Variants in IQGAP1 observed in about 807,000 individuals in gnomAD.
IQGAP1 encodes the protein IQ motif containing GTPase activating protein 1.
Under a neutral mutation model 215.6 loss-of-function variants are expected in IQGAP1, and 66 were observed. The observed-to-expected ratio is 0.31, with a 90% CI of 0.25 to 0.38. IQGAP1 has a LOEUF of 0.38. IQGAP1 is among the 10% of genes least tolerant of loss of function. The probability of loss-of-function intolerance (pLI) is 1.00; values close to 1 mark genes in which losing one functional copy is unlikely to be tolerated. For missense variants in IQGAP1, 1,712 were observed against 1,997.1 expected, an observed-to-expected ratio of 0.86 and a Z score of 2.72; for synonymous variants, 772 against 728.7, an observed-to-expected ratio of 1.06 and a Z score of -0.96.
At chr15:90,425,794 C>T (rs1398553297) in intron 2 of IQGAP1, among the ~76,000 whole-genome samples, 1 of 152,110 alleles carries the variant, frequency 6.6e-6, no homozygotes, top group African/African-American at 2.4e-5. Context: ...TAAAGAGCAA[C>T]TTAAGGACTG....
chr15:90,464,275 G>A (rs1965800566), intron 15 of IQGAP1, among the ~76,000 whole-genome samples: 1 of 152,128 alleles, frequency 6.6e-6, no homozygotes, highest in Non-Finnish European at 1.5e-5. Context: ...CTTTTCTAGA[G>A]AAGATTGCCC....
At chr15:90,404,742 C>G (rs1166362723) in intron 2 of IQGAP1, among the ~76,000 whole-genome samples, 2 of 129,778 alleles carry the variant, frequency 1.5e-5, no homozygotes, top group Non-Finnish European at 3.2e-5. Context: ...CCACACTCAG[C>G]TAATTTTTGT....
intron 37 of IQGAP1, among the ~76,000 whole-genome samples, chr15:90,498,852 C>G (rs1010350279): frequency 4.0e-5 from 6 of 151,684 alleles, no homozygotes; most frequent in Non-Finnish European, 8.8e-5. Context: ...TCTTATTGCC[C>G]AAGCTGCAGT....
chr15:90,435,347 T>A (rs73478805), intron 5 of IQGAP1, among the ~76,000 whole-genome samples: 3,024 of 152,178 alleles, frequency 0.02, 83 homozygotes, highest in African/African-American at 0.069. Context: ...ATGGTGGCAT[T>A]CACCTGTAGT....
intron 2 of IQGAP1, among the ~76,000 whole-genome samples, chr15:90,408,622 G>A (rs1390801621): frequency 6.6e-6 from 1 of 152,088 alleles, no homozygotes; most frequent in African/African-American, 2.4e-5. Flanking sequence ...GCAGGGATGG[G>A]TGGGGCTGAT....
At chr15:90,396,724 A>C (rs747986332) in intron 2 of IQGAP1, among the ~76,000 whole-genome samples, 21 of 152,176 alleles carry the variant, frequency 1.4e-4, no homozygotes, top group Non-Finnish European at 3.1e-4. Context: ...TTAAAAGTGT[A>C]TTTATTAAAA....
At chr15:90,417,965 T>C (rs1468044478) in intron 2 of IQGAP1, among the ~76,000 whole-genome samples, 2 of 152,236 alleles carry the variant, frequency 1.3e-5, no homozygotes, top group African/African-American at 4.8e-5. Flanking sequence ...ATTTTTATGC[T>C]GTTCCTTTAT....
At chr15:90,494,583 T>C (rs1966248106) in intron 35 of IQGAP1, 130 bp from the exon 36 acceptor site, 1 of 638,442 alleles carries the variant, frequency 1.6e-6, no homozygotes, top group African/African-American at 1.9e-5. Flanking sequence ...TGTTTGCCAT[T>C]TTAGAGTTGG....
Position 90,494,760 on chromosome 15 carries a change from T to C in IQGAP1, c.4676T>C (p.Ile1559Thr), listed in dbSNP as rs1356996595. ...REMKGKKSKKISLKYTAARLH... is the reference protein window; with the variant it reads ...REMKGKKSKKTSLKYTAARLH... ...ATGAAAGGAAAGAAAAGCAAAAAGA[T>C]TTCTCTGAAATATACAGCAGCAAGA... Residue 1559 changes from isoleucine to threonine, a missense_variant, in exon 36 of 38, where the codon ATT becomes ACT. Physicochemically the swap from Ile to Thr is moderately conservative, Grantham distance 89. Around this residue, in one of 2 missense-constraint regions of IQGAP1, gnomAD observed 691 missense variants for 923.0 expected, o/e 0.75. Transcript: ENST00000268182. 6.2e-7 allele frequency: 1 copy of C among 1,609,768 alleles called. No homozygotes were observed. The highest frequency in any genetic ancestry group is 1.1e-5 in the South Asian group (1 of 90,658).
intron 30 of IQGAP1, among the ~76,000 whole-genome samples, chr15:90,485,144 A>G (rs1005672166): frequency 2.6e-5 from 4 of 152,178 alleles, no homozygotes; most frequent in Non-Finnish European, 4.4e-5. Flanking sequence ...CTCTGGGGAC[A>G]TGGACATGTA....
intron 2 of IQGAP1, among the ~76,000 whole-genome samples, chr15:90,421,656 A>T (rs192423690): frequency 8.3e-4 from 127 of 152,328 alleles, no homozygotes; most frequent in Middle Eastern, 6.8e-3. Flanking sequence ...CATACTTGGA[A>T]CACAGTATTC....
At chr15:90,484,658 G>C (rs1352456451) in intron 30 of IQGAP1, among the ~76,000 whole-genome samples, 1 of 151,918 alleles carries the variant, frequency 6.6e-6, no homozygotes, top group African/African-American at 2.4e-5. Flanking sequence ...ACAGGCACCC[G>C]CCACCGTGCC....
At chr15:90,411,646 G>T (rs1596253928) in intron 2 of IQGAP1, among the ~76,000 whole-genome samples, 1 of 152,116 alleles carries the variant, frequency 6.6e-6, no homozygotes, top group Admixed American at 6.6e-5. Context: ...GGTTAGTAAT[G>T]ATTAGGCTGT....
chr15:90,491,852 A>C (rs16944518), intron 34 of IQGAP1, among the ~76,000 whole-genome samples: 29,849 of 152,116 alleles, frequency 0.2, 3,019 homozygotes, highest in East Asian at 0.23. Context: ...AATTCACATC[A>C]AGCTGATTAA....
intron 2 of IQGAP1, among the ~76,000 whole-genome samples, chr15:90,397,438 G>A (rs1964737870): frequency 1.3e-5 from 2 of 151,398 alleles, no homozygotes; most frequent in African/African-American, 2.4e-5. Flanking sequence ...GAATGGGAAC[G>A]CTATGCATCT....
chr15:90,388,559 C>T (rs1297335611), intron 1 of IQGAP1, among the ~76,000 whole-genome samples, 163 bp downstream of exon 1: 1 of 151,932 alleles, frequency 6.6e-6, no homozygotes, highest in Non-Finnish European at 1.5e-5. Flanking sequence ...GGCGGGGAGG[C>T]CCCTGGTTCG....
intron 2 of IQGAP1, among the ~76,000 whole-genome samples, chr15:90,416,753 A>AT (rs1965056586): frequency 6.6e-6 from 1 of 151,672 alleles, no homozygotes; most frequent in African/African-American, 2.4e-5. Flanking sequence ...AATTTTTTGT[A>AT]TTTTTAGTAG....
Position 90,392,523 on chromosome 15 carries a change from C to T in IQGAP1, c.155+1650C>T, listed in dbSNP as rs971106674. On this transcript the variant is annotated intron_variant, in intron 2 of 37. Coordinates refer to ENST00000268182, the MANE Select transcript of IQGAP1 (RefSeq NM_003870.4). ...GTGAGAGGGAAGAGCTTCAACACAC[C>T]TTCCTTCCCCCATCCAAAGTAGCTC... Among the ~76,000 whole-genome samples the T allele has an allele frequency of 3.3e-5, 5 of 152,108 alleles. No homozygotes were observed. In the East Asian group the frequency reaches 5.8e-4, roughly 18 times the overall value.
At chr15:90,471,989 C>T (rs1449077605) in intron 18 of IQGAP1, among the ~76,000 whole-genome samples, 1 of 152,226 alleles carries the variant, frequency 6.6e-6, no homozygotes, top group Admixed American at 6.5e-5. Flanking sequence ...CATTGTAATT[C>T]ACCCACTTGG....
Sources: allele counts gnomAD v4.1 joint callset (sites outside exome capture counted in the v4.1 genomes callset), GRCh38; gene constraint gnomAD v4.1.1; regional missense constraint gnomAD v4.1.1; transcripts MANE v1.5; gene names NCBI Gene and HGNC (gene_info 2026-07-23, HGNC 2026-07-21).